The following ZBTB39 variants were observed in gnomAD, a reference collection of about 807,000 sequenced individuals.
ZBTB39 encodes the protein zinc finger and BTB domain containing 39, also known as zinc finger and BTB domain-containing protein 39.
A neutral mutation model predicts 39.4 loss-of-function variants in ZBTB39; 25 were observed. The ratio of observed to expected loss-of-function variants is 0.63; its 90% CI spans 0.46 to 0.89. The LOEUF is 0.89. ZBTB39 is among the 40% of genes least tolerant of loss of function. The probability of loss-of-function intolerance (pLI) is 0.00; values close to 1 mark genes in which losing one functional copy is unlikely to be tolerated. For missense variants in ZBTB39, 891 were observed against 909.7 expected, an observed-to-expected ratio of 0.98 and a Z score of 0.26; for synonymous variants, 373 against 359.6, an observed-to-expected ratio of 1.04 and a Z score of -0.42.
Position 57,001,855 on chromosome 12 carries a change from A to G in ZBTB39, c.*924T>C, listed in dbSNP as rs1956211839. 6.5e-6 allele frequency: 1 copy of G among 152,810 alleles called. No homozygotes were observed. The highest frequency in any genetic ancestry group is 2.4e-5 in the African/African-American group (1 of 41,424). 9.5% of individuals were successfully genotyped at this position (152,810 alleles called of 1,614,324 possible). On this transcript the variant is annotated 3_prime_UTR_variant, in exon 2 of 2. Coordinates refer to ENST00000300101, the MANE Select transcript of ZBTB39 (RefSeq NM_014830.3). ...CACGGGCCAAACACTTCTGGACGGG[A>G]GACCAGATATAAATTAAGGCAAGGC...
Position 57,003,569 on chromosome 12 carries a change from T to C in ZBTB39, c.1349A>G (p.Glu450Gly), listed in dbSNP as rs775181305. 1 of 1,613,986 alleles carries C rather than the reference T, an allele frequency of 6.2e-7. No homozygotes were observed. Among genetic ancestry groups the C allele is most frequent in the Admixed American group, 1.7e-5 (1 of 60,000 alleles). Residue 450 changes from glutamate (E) to glycine (G), a missense_variant, in exon 2 of 2, where the codon GAG (glutamate) becomes GGG (glycine). Glu to Gly is a moderately conservative substitution (Grantham distance 98, BLOSUM62 -2). Coordinates refer to ENST00000300101, the MANE Select transcript of ZBTB39 (RefSeq NM_014830.3). This position sits in a 1 kb window ranked among gnomAD's most constrained non-coding sequence, Gnocchi z 4.8. Reference sequence around the variant, plus strand: ...TTTCCCACAGGCAGCGCATTTCAGCTCTGGGGAGGCTGCCCCTGAAAAGAG... The same window carrying C: ...TTTCCCACAGGCAGCGCATTTCAGCCCTGGGGAGGCTGCCCCTGAAAAGAG... ...LGLFSGAASP[E>G]LKCAACGKVL... is the part of the protein sequence containing the mutation.
Position 57,004,095 on chromosome 12 carries a change from A to T in ZBTB39, c.823T>A (p.Ser275Thr). 1 of 1,614,170 alleles carries T rather than the reference A, an allele frequency of 6.2e-7. No homozygotes were observed. The highest frequency in any genetic ancestry group is 8.5e-7 in the Non-Finnish European group (1 of 1,180,026). The change falls in exon 2 of 2, where the codon TCC (serine) becomes ACC (threonine). Residue 275 changes from serine to threonine, a missense_variant. By Grantham distance (58) the Ser-to-Thr change is moderately conservative. Coordinates refer to ENST00000300101, the MANE Select transcript of ZBTB39 (RefSeq NM_014830.3). ...NAVDITTGTN[S>T]CLSNSEHSKD... Reference sequence around the variant, plus strand: ...GAGTGCTCACTATTGCTCAGACAGGAGTTGGTCCCAGTGGTAATGTCTACT... The same window carrying T: ...GAGTGCTCACTATTGCTCAGACAGGTGTTGGTCCCAGTGGTAATGTCTACT...
Position 57,001,523 on chromosome 12 carries a change from T to A in ZBTB39, c.*1256A>T, listed in dbSNP as rs1956209860. On this transcript the variant is annotated 3_prime_UTR_variant, in exon 2 of 2. Coordinates refer to ENST00000300101, the MANE Select transcript of ZBTB39 (RefSeq NM_014830.3). ...AGCCCCTTAGAAAACCAAGTAAGAG[T>A]GGAGCTAACCAGCTGCGTGGGCTGT... The A allele has an allele frequency of 6.6e-6, 1 of 152,364 alleles. No individual in the cohort carries two copies. The highest frequency in any genetic ancestry group is 1.5e-5 in the Non-Finnish European group (1 of 67,994). The allele number at this position is 152,364 out of a possible 1,614,324, so 9.4% of individuals were successfully genotyped here.
At position 57,003,373 on chromosome 12, in the gene ZBTB39, G is replaced by C. The variant is rs368344619; in HGVS notation, c.1545C>G (p.Asn515Lys). ...CTAGAAGATGCCAGTCCACAAAGCTGTTCGCACAGACAGAACAGGAGAAGA... is the reference window on the plus strand; with the variant it reads ...CTAGAAGATGCCAGTCCACAAAGCTCTTCGCACAGACAGAACAGGAGAAGA... The part of the protein sequence containing the change: ...ISVFSCSVCA[N>K]SFVDWHLLEK... Residue 515 changes from asparagine (N) to lysine (K), a missense_variant, in exon 2 of 2, where the codon AAC (asparagine) becomes AAG (lysine). Transcript: ENST00000300101. The surrounding 1 kb of genome is among the most constrained non-coding windows in gnomAD (Gnocchi z 4.8). 4.3e-6 allele frequency: 7 copies of C among 1,614,100 alleles called. No individual in the cohort carries two copies. The highest frequency in any genetic ancestry group is 5.9e-6 in the Non-Finnish European group (7 of 1,179,952).
In ZBTB39 at chr12:57,002,171, T is replaced by C. The variant is rs1255824535; in HGVS notation, c.*608A>G. On this transcript the variant is annotated 3_prime_UTR_variant, in exon 2 of 2. Coordinates refer to ENST00000300101, the MANE Select transcript of ZBTB39 (RefSeq NM_014830.3). ...CCTAAATAGAAAGCTCTGTGCCTAGTATGGATCTAGCTGCCAAAAGATTTT... is the reference window on the plus strand; with the variant it reads ...CCTAAATAGAAAGCTCTGTGCCTAGCATGGATCTAGCTGCCAAAAGATTTT... The C allele has an allele frequency of 6.5e-6, 1 of 153,160 alleles. No homozygotes were observed. The highest frequency in any genetic ancestry group is 1.5e-5 in the Non-Finnish European group (1 of 68,484). The allele number at this position is 153,160 out of a possible 1,614,324, so 9.5% of individuals were successfully genotyped here.
chr12:57,005,292 C>G (rs1014565637), intron 1 of ZBTB39, among the ~76,000 whole-genome samples: 2 of 152,202 alleles, frequency 1.3e-5, no homozygotes, highest in African/African-American at 4.8e-5. Flanking sequence ...CTATTAATTT[C>G]CTCCCAAATA....
In ZBTB39 at chr12:56,999,687, G is replaced by A. The variant is rs1008270966; in HGVS notation, c.*3092C>T. 6.6e-6 allele frequency: 1 copy of A among 152,178 alleles called. No individual in the cohort carries two copies. The highest frequency in any genetic ancestry group is 2.4e-5 in the African/African-American group (1 of 41,428). 9.4% of individuals were successfully genotyped at this position (152,178 alleles called of 1,614,324 possible). On this transcript the variant is annotated 3_prime_UTR_variant, in exon 2 of 2. Transcript: ENST00000300101. ...CACCCAGTGGGTCACTGGAGTGCCA[G>A]GATACTAATCTCTGCCTCTGGCCAC... is the stretch of plus-strand genomic sequence containing the variant.
Position 57,001,181 on chromosome 12 carries a change from T to G in ZBTB39, c.*1598A>C, listed in dbSNP as rs1956208025. 1 of 152,362 alleles carries G rather than the reference T, an allele frequency of 6.6e-6. No individual in the cohort carries two copies. Among genetic ancestry groups the G allele is most frequent in the African/African-American group, 2.4e-5 (1 of 41,460 alleles). The allele number at this position is 152,362 out of a possible 1,614,324, so 9.4% of individuals were successfully genotyped here. ...TCTCCACATCTCTGGTCAAGGCTGT[T>G]CTCTGGAATATGGCTACTTGCTGGG... is the stretch of plus-strand genomic sequence containing the variant. On this transcript the variant is annotated 3_prime_UTR_variant, in exon 2 of 2. Transcript: ENST00000300101.
rs757286037 is a variant in ZBTB39 at position 57,003,512 on chromosome 12, C to T, written c.1406G>A (p.Gly469Asp). 10 of 1,613,912 alleles carry T rather than the reference C, an allele frequency of 6.2e-6. No homozygotes were observed. Among genetic ancestry groups the T allele is most frequent in the Middle Eastern group, 3.3e-4 (2 of 6,084 alleles). ...CAAGTTTAGATGGTCAAGGATGTGG[C>T]CCCGGACCACATGGAAATCTTTGGC... Reference protein sequence around the residue: ...VLAKDFHVVRGHILDHLNLKG... With the variant: ...VLAKDFHVVRDHILDHLNLKG... The change falls in exon 2 of 2, where the codon GGC (glycine) becomes GAC (aspartate). Residue 469 changes from glycine to aspartate, a missense_variant. Transcript: ENST00000300101. This position sits in a 1 kb window ranked among gnomAD's most constrained non-coding sequence, Gnocchi z 4.8.
In ZBTB39 at chr12:57,003,981, T is replaced by C. The variant is rs1339695099; in HGVS notation, c.937A>G (p.Ile313Val). 6.2e-7 allele frequency: 1 copy of C among 1,614,260 alleles called. No homozygotes were observed. The highest frequency in any genetic ancestry group is 1.3e-5 in the African/African-American group (1 of 75,056). Residue 313 changes from isoleucine to valine, a missense_variant, in exon 2 of 2, where the codon ATA (isoleucine) becomes GTA (valine). Physicochemically the swap from Ile to Val is conservative, Grantham distance 29 (BLOSUM62 3). Transcript: ENST00000300101. The surrounding 1 kb of genome is among the most constrained non-coding windows in gnomAD (Gnocchi z 4.8). Reference protein sequence around the residue: ...DLQFEDPAEDIGTTEEVIELS... With the variant: ...DLQFEDPAEDVGTTEEVIELS... ...TCAATCACCTCCTCAGTTGTGCCTA[T>C]ATCCTCAGCAGGGTCTTCAAACTGC...
intron 1 of ZBTB39, 145 bp from the exon 2 acceptor site, chr12:57,005,106 T>C (rs972907895): frequency 1.3e-5 from 8 of 597,660 alleles, no homozygotes; most frequent in South Asian, 2.6e-5. Flanking sequence ...TCCTCCATTA[T>C]GACAAGGCAA....
At position 57,002,042 on chromosome 12, in the gene ZBTB39, TGAG is replaced by T. The variant is rs983541015; in HGVS notation, c.*734_*736del. The stretch of plus-strand genomic sequence containing the variant: ...CCATAAAATCCTGTTTCTTTGGAAA[TGAG>T]GAGAAAAGAGAAACCTCTCCTGTCC... On this transcript the variant is annotated 3_prime_UTR_variant, in exon 2 of 2. Transcript: ENST00000300101. 2.0e-5 allele frequency: 3 copies of T among 152,626 alleles called. No individual in the cohort carries two copies. Among genetic ancestry groups the T allele is most frequent in the Non-Finnish European group, 2.9e-5 (2 of 68,048 alleles). 9.5% of individuals were successfully genotyped at this position (152,626 alleles called of 1,614,324 possible). A position where few individuals can be genotyped will look rare whatever the true frequency, so the allele number is the denominator to read the frequency against.
At position 57,004,030 on chromosome 12, in the gene ZBTB39, G is replaced by A. The variant is rs753384742; in HGVS notation, c.888C>T (p.Leu296=). ...PGFGQMDELQ[L]EDLGDDDLQF... is the part of the protein sequence containing the mutation. ...GCAAGTCATCATCCCCCAGGTCCTC[G>A]AGCTGGAGCTCATCCATCTGCCCAA... Residue 296 remains leucine, a synonymous_variant, in exon 2 of 2, where the codon CTC becomes CTT. Transcript: ENST00000300101. 2 of 1,614,096 alleles carry A rather than the reference G, an allele frequency of 1.2e-6. No homozygotes were observed. The highest frequency in any genetic ancestry group is 1.7e-5 in the Admixed American group (1 of 60,002).
Position 57,004,769 on chromosome 12 carries a change from C to T in ZBTB39, c.149G>A (p.Cys50Tyr), listed in dbSNP as rs1174833523. The change falls in exon 2 of 2, where the codon TGT (cysteine) becomes TAT (tyrosine). Residue 50 changes from cysteine (C) to tyrosine (Y), a missense_variant. Coordinates refer to ENST00000300101, the MANE Select transcript of ZBTB39 (RefSeq NM_014830.3). ...SFPAHKAVLA[C>Y]AAGYFQNLFL... ...GAGGTTCTGGAAGTAGCCAGCTGCACAGGCCAGCACAGCCTTGTGGGCCGG... is the reference window on the plus strand; with the variant it reads ...GAGGTTCTGGAAGTAGCCAGCTGCATAGGCCAGCACAGCCTTGTGGGCCGG... 6.2e-7 allele frequency: 1 copy of T among 1,614,044 alleles called. No homozygotes were observed. The highest frequency in any genetic ancestry group is 1.3e-5 in the African/African-American group (1 of 74,914).
chr12:57,004,954 C>T lies in ZBTB39; in HGVS notation c.-37G>A, dbSNP rs369217677. 1.3e-6 allele frequency: 2 copies of T among 1,540,164 alleles called. No individual in the cohort carries two copies. The highest frequency in any genetic ancestry group is 1.8e-6 in the Non-Finnish European group (2 of 1,139,422). ...CTATGAAATTACCTCCTTATCAGCA[C>T]AGTTAATCTGTGGATAGCAAGAGAA... On this transcript the variant is annotated 5_prime_UTR_variant, in exon 2 of 2. In the 5' UTR this introduces an upstream ATG that the reference lacks. Coordinates refer to ENST00000300101, the MANE Select transcript of ZBTB39 (RefSeq NM_014830.3).
Position 57,002,582 on chromosome 12 carries a change from T to C in ZBTB39, c.*197A>G. ...GGGCAAGAACAGGTATGGAGGTAAA[T>C]GTGATAGGGCTGTTGCTTCTCAACA... On this transcript the variant is annotated 3_prime_UTR_variant, in exon 2 of 2. Transcript: ENST00000300101. The C allele has an allele frequency of 3.3e-6, 2 of 605,482 alleles. No individual in the cohort carries two copies. Among genetic ancestry groups the C allele is most frequent in the South Asian group, 4.3e-5 (2 of 46,634 alleles). 37.5% of individuals were successfully genotyped at this position (605,482 alleles called of 1,614,324 possible). A position where few individuals can be genotyped will look rare whatever the true frequency, so the allele number is the denominator to read the frequency against.
intron 1 of ZBTB39, among the ~76,000 whole-genome samples, chr12:57,006,001 T>G (rs1344513490): frequency 6.6e-6 from 1 of 152,096 alleles, no homozygotes; most frequent in African/African-American, 2.4e-5. Context: ...CCCTGAACGA[T>G]GGGCGGGTCG....
Position 57,002,054 on chromosome 12 carries a change from A to G in ZBTB39, c.*725T>C, listed in dbSNP as rs1271892610. On this transcript the variant is annotated 3_prime_UTR_variant, in exon 2 of 2. Transcript: ENST00000300101. ...GTTTCTTTGGAAATGAGGAGAAAAG[A>G]GAAACCTCTCCTGTCCATCCAGGCT... 3 of 152,634 alleles carry G rather than the reference A, an allele frequency of 2.0e-5. No individual in the cohort carries two copies. Among genetic ancestry groups the G allele is most frequent in the Admixed American group, 6.5e-5 (1 of 15,286 alleles). 9.5% of individuals were successfully genotyped at this position (152,634 alleles called of 1,614,324 possible).
Position 57,002,717 on chromosome 12 carries a change from C to G in ZBTB39, c.*62G>C. ...ACTTCAGCTGGGGAGGGACCAACAC[C>G]TCTTAGATATCAGCATCCTGGCTGC... On this transcript the variant is annotated 3_prime_UTR_variant, in exon 2 of 2. Coordinates refer to ENST00000300101, the MANE Select transcript of ZBTB39 (RefSeq NM_014830.3). 1 of 1,511,888 alleles carries G rather than the reference C, an allele frequency of 6.6e-7. No individual in the cohort carries two copies. The highest frequency in any genetic ancestry group is 2.3e-5 in the East Asian group (1 of 44,178). 93.7% of individuals were successfully genotyped at this position (1,511,888 alleles called of 1,614,324 possible).
Sources: gnomAD v4.1 joint callset for allele counts (sites outside exome capture counted in the v4.1 genomes callset) on GRCh38, gnomAD v4.1.1 for gene constraint, Gnocchi (gnomAD v3.1) non-coding constraint, MANE v1.5 for transcripts, NCBI Gene and HGNC (gene_info 2026-07-23, HGNC 2026-07-21) for gene names.